The following ZNF469 variants were observed in gnomAD, a reference collection of about 807,000 sequenced individuals.
The protein encoded by ZNF469 is zinc finger protein 469.
Under a neutral mutation model 1.0 loss-of-function variants are expected in ZNF469, and 1 was observed. The ratio of observed to expected loss-of-function variants is 1.00; its 90% CI spans 0.35 to 4.73. The LOEUF (loss-of-function observed/expected upper bound fraction) is 4.73, where lower values mean the gene tolerates loss of function less well. Among genes scored for constraint, ZNF469 ranks in the 30% most tolerant of loss-of-function variants. The pLI is 0.16. For missense variants in ZNF469, 6,100 were observed against 5,356.3 expected, an observed-to-expected ratio of 1.14 and a Z score of -4.33; for synonymous variants, 2,703 against 2,363.4, an observed-to-expected ratio of 1.14 and a Z score of -4.17.
chr16:88,290,525 G>C, the ZNF469 span, among the ~76,000 whole-genome samples: 3 of 152,124 alleles, frequency 2.0e-5, no homozygotes, highest in Admixed American at 2.0e-4. Flanking sequence ...CCTTTCTGAG[G>C]CATTCCTGAA....
Position 88,429,753 on chromosome 16 carries a change from G to A in ZNF469, c.2283G>A (p.Lys761=), listed in dbSNP as rs1235764548. 4 of 1,544,756 alleles carry A rather than the reference G, an allele frequency of 2.6e-6. No homozygotes were observed. The highest frequency in any genetic ancestry group is 2.0e-5 in the Admixed American group (1 of 50,916). Residue 761 remains lysine (K), a synonymous_variant, in exon 3 of 3, where the codon AAG becomes AAA. Transcript: ENST00000565624. ...QFCGLLLARA[K]DGHQRSPGPP... ...GTGGCCTGCTCCTGGCCAGGGCCAA[G>A]GATGGCCACCAGCGGTCTCCAGGCC...
intron 1 of ZNF469, among the ~76,000 whole-genome samples, chr16:88,394,000 A>C (rs894808143): frequency 4.0e-5 from 6 of 151,310 alleles, no homozygotes; most frequent in Admixed American, 2.0e-4. Context: ...ATCCGAGAGG[A>C]GCGGGGTTTG....
At chr16:88,338,503 G>T in the ZNF469 span, among the ~76,000 whole-genome samples, 19 of 152,284 alleles carry the variant, frequency 1.2e-4, no homozygotes, top group East Asian at 1.7e-3. Flanking sequence ...ACAAGTATTG[G>T]GCCGTCTGTA....
chr16:88,275,652 T>C, the ZNF469 span, among the ~76,000 whole-genome samples: 1 of 152,160 alleles, frequency 6.6e-6, no homozygotes, highest in Non-Finnish European at 1.5e-5. Context: ...ACCAGGCTGG[T>C]GTCCAGGCTG....
At chr16:88,148,188 A>G in the ZNF469 span, among the ~76,000 whole-genome samples, 4 of 152,194 alleles carry the variant, frequency 2.6e-5, no homozygotes, top group Middle Eastern at 3.4e-3. Flanking sequence ...CCACGCATCA[A>G]TGTGTGTTCA....
the ZNF469 span, among the ~76,000 whole-genome samples, chr16:88,280,851 G>A: frequency 1.8e-4 from 28 of 151,518 alleles, no homozygotes; most frequent in African/African-American, 5.3e-4. Flanking sequence ...TGCTGGTGTC[G>A]GTGCACAGGT....
the ZNF469 span, among the ~76,000 whole-genome samples, chr16:88,221,235 G>A: frequency 6.6e-6 from 1 of 152,250 alleles, no homozygotes; most frequent in Non-Finnish European, 1.5e-5. Flanking sequence ...CTGGGCCGCA[G>A]AATGTCATCT....
intron 1 of ZNF469, among the ~76,000 whole-genome samples, chr16:88,399,571 A>G (rs1337837746): frequency 2.0e-5 from 3 of 152,194 alleles, no homozygotes; most frequent in African/African-American, 7.2e-5. Flanking sequence ...GAGCAGGGAC[A>G]ACCTTGTCAC....
intron 2 of ZNF469, among the ~76,000 whole-genome samples, chr16:88,425,363 C>T (rs188949115): frequency 2.0e-5 from 3 of 152,316 alleles, no homozygotes; most frequent in African/African-American, 7.2e-5. Context: ...TCATGTGGGG[C>T]CTGGCTGTTG....
chr16:88,213,184 C>T, the ZNF469 span, among the ~76,000 whole-genome samples: 3 of 152,058 alleles, frequency 2.0e-5, no homozygotes, highest in East Asian at 1.9e-4. Context: ...CTGCAAGCTC[C>T]GCCTCCCTGG....
At chr16:88,269,678 T>C in the ZNF469 span, among the ~76,000 whole-genome samples, 351 of 152,210 alleles carry the variant, frequency 2.3e-3, no homozygotes, top group African/African-American at 8.1e-3. Context: ...CTTCTGCACC[T>C]GCTGGTTGGT....
At chr16:88,422,838 G>C (rs899621610) in intron 1 of ZNF469, among the ~76,000 whole-genome samples, 1 of 150,506 alleles carries the variant, frequency 6.6e-6, no homozygotes, top group Admixed American at 6.6e-5. Context: ...GTGATGGATG[G>C]GTGGATGGAT....
At chr16:88,224,733 G>C in the ZNF469 span, among the ~76,000 whole-genome samples, 3 of 152,158 alleles carry the variant, frequency 2.0e-5, no homozygotes, top group African/African-American at 7.2e-5. Context: ...CTCTGTGTAA[G>C]TACGTACATA....
chr16:88,154,907 C>T, the ZNF469 span, among the ~76,000 whole-genome samples: 2 of 152,352 alleles, frequency 1.3e-5, no homozygotes, highest in South Asian at 2.1e-4. Context: ...GACTCATCTA[C>T]ATCCAGGAAC....
In ZNF469 at chr16:88,428,227, G is replaced by C. The variant is rs750372510; in HGVS notation, c.757G>C (p.Ala253Pro). The C allele has an allele frequency of 1.9e-6, 3 of 1,550,274 alleles. No homozygotes were observed. The highest frequency in any genetic ancestry group is 4.9e-5 in the East Asian group (2 of 40,898). Residue 253 changes from alanine (A) to proline (P), a missense_variant, in exon 3 of 3, where the codon GCC (alanine) becomes CCC (proline). Physicochemically the swap from Ala to Pro is conservative, Grantham distance 27 (BLOSUM62 -1). Transcript: ENST00000565624. ...AGGTGCTAATTTCGGGGTTCCCCCC[G>C]CCGAGCCGGAACCTATTCCCAAAGG... Reference protein sequence around the residue: ...FPGANFGVPPAEPEPIPKGSR... With the variant: ...FPGANFGVPPPEPEPIPKGSR...
At chr16:88,357,155 C>T in the ZNF469 span, among the ~76,000 whole-genome samples, 2 of 152,228 alleles carry the variant, frequency 1.3e-5, no homozygotes, top group Non-Finnish European at 2.9e-5. Flanking sequence ...GCAGCAGGGG[C>T]AGAACAGTGC....
intron 1 of ZNF469, among the ~76,000 whole-genome samples, chr16:88,421,326 C>T (rs1905450793): frequency 6.6e-6 from 1 of 152,220 alleles, no homozygotes; most frequent in South Asian, 2.1e-4. Flanking sequence ...TCGTGCTCCT[C>T]CGGGGTCTCC....
At chr16:88,146,634 C>T in the ZNF469 span, among the ~76,000 whole-genome samples, 5 of 152,058 alleles carry the variant, frequency 3.3e-5, no homozygotes, top group African/African-American at 1.2e-4. Context: ...AGTCTCTGCC[C>T]TGGGGACGGC....
the ZNF469 span, among the ~76,000 whole-genome samples, chr16:88,143,780 C>T: frequency 6.6e-6 from 1 of 152,226 alleles, no homozygotes; most frequent in African/African-American, 2.4e-5. Flanking sequence ...TGGATGTGTC[C>T]TCTGATCGGC....
Sources: gnomAD v4.1 joint callset for allele counts (sites outside exome capture counted in the v4.1 genomes callset) on GRCh38, gnomAD v4.1.1 for gene constraint, MANE v1.5 for transcripts, NCBI Gene and HGNC (gene_info 2026-07-23, HGNC 2026-07-21) for gene names.